Variants in OPCML observed in about 807,000 individuals in gnomAD.
OPCML encodes the protein opioid binding protein/cell adhesion molecule like.
In OPCML, 13 loss-of-function variants were observed where a neutral mutation model predicts 37.8. That is an observed-to-expected ratio of 0.34 (90% CI 0.22 to 0.55). OPCML has a LOEUF of 0.55. OPCML is among the 20% of genes least tolerant of loss of function. The pLI is 0.91. For missense variants in OPCML, 341 were observed against 435.6 expected (o/e 0.78, Z 1.93); for synonymous variants, 176 against 168.8 (o/e 1.04, Z -0.33).
intron 2 of OPCML, among the ~76,000 whole-genome samples, chr11:132,733,001 T>C (rs1320968994): frequency 6.6e-6 from 1 of 152,156 alleles, no homozygotes. Flanking sequence ...GAAGATGAGA[T>C]AGAGCAGTGG....
At chr11:132,993,300 A>T (rs1239926430) in intron 1 of OPCML, among the ~76,000 whole-genome samples, 1 of 152,196 alleles carries the variant, frequency 6.6e-6, no homozygotes, top group Non-Finnish European at 1.5e-5. Context: ...ACAGTATGAC[A>T]GTGTGCTGTT....
At chr11:132,831,715 C>T (rs964514120) in intron 2 of OPCML, among the ~76,000 whole-genome samples, 3 of 148,466 alleles carry the variant, frequency 2.0e-5, no homozygotes, top group Non-Finnish European at 4.5e-5. Context: ...CAACACAACT[C>T]TTCCCCCTTT....
intron 1 of OPCML, among the ~76,000 whole-genome samples, chr11:133,460,275 G>T (rs1946828173): frequency 6.6e-6 from 1 of 151,794 alleles, no homozygotes. Context: ...AAGACAAAAG[G>T]TCTCAAATCA....
At chr11:133,152,811 C>T (rs180911936) in intron 1 of OPCML, among the ~76,000 whole-genome samples, 1 of 151,910 alleles carries the variant, frequency 6.6e-6, no homozygotes, top group Non-Finnish European at 1.5e-5. Flanking sequence ...TAAGCCGAAG[C>T]CCCAGCACGC....
chr11:133,312,977 T>C (rs946145622), intron 1 of OPCML, among the ~76,000 whole-genome samples: 1 of 152,198 alleles, frequency 6.6e-6, no homozygotes, highest in Non-Finnish European at 1.5e-5. Flanking sequence ...GATGGTAACA[T>C]AAATGAATCA....
intron 1 of OPCML, among the ~76,000 whole-genome samples, chr11:133,385,420 G>T (rs1945023835): frequency 6.6e-6 from 1 of 152,202 alleles, no homozygotes; most frequent in South Asian, 2.1e-4. Flanking sequence ...TAATGTATGT[G>T]GCTCTGCGTT....
At chr11:132,815,661 G>A (rs575720683) in intron 2 of OPCML, among the ~76,000 whole-genome samples, 1 of 152,284 alleles carries the variant, frequency 6.6e-6, no homozygotes, top group African/African-American at 2.4e-5. Flanking sequence ...GGAGAATGAG[G>A]GAGATTATTG....
At chr11:132,579,610 C>A (rs1360423625) in intron 3 of OPCML, among the ~76,000 whole-genome samples, 1 of 152,094 alleles carries the variant, frequency 6.6e-6, no homozygotes, top group Non-Finnish European at 1.5e-5. Flanking sequence ...GAGCACCCTC[C>A]TATCCCCAAA....
intron 1 of OPCML, among the ~76,000 whole-genome samples, chr11:133,324,386 C>T (rs1943403336): frequency 1.3e-5 from 2 of 152,198 alleles, no homozygotes; most frequent in African/African-American, 2.4e-5. Context: ...TCTGTAATTA[C>T]AGCCATGCTG....
At chr11:132,653,796 G>A (rs902793337) in intron 3 of OPCML, among the ~76,000 whole-genome samples, 2 of 152,158 alleles carry the variant, frequency 1.3e-5, no homozygotes, top group Non-Finnish European at 2.9e-5. Context: ...GATGGCATCT[G>A]GTTGGCAGAA....
chr11:132,763,863 G>A (rs751732871), intron 2 of OPCML, among the ~76,000 whole-genome samples: 28 of 152,130 alleles, frequency 1.8e-4, no homozygotes, highest in Admixed American at 3.9e-4. Context: ...CTTTCATTCC[G>A]CATCTTACCA....
chr11:132,588,481 C>T (rs1591592396), intron 3 of OPCML, among the ~76,000 whole-genome samples: 1 of 152,116 alleles, frequency 6.6e-6, no homozygotes, highest in Non-Finnish European at 1.5e-5. Context: ...ATCCCTCTAA[C>T]CTAGGAAACA....
At chr11:132,539,852 T>A (rs1441312107) in intron 3 of OPCML, among the ~76,000 whole-genome samples, 1 of 151,474 alleles carries the variant, frequency 6.6e-6, no homozygotes, top group Admixed American at 6.6e-5. Context: ...GTAATAAGGG[T>A]GGTGAAGATA....
chr11:132,793,058 G>T (rs981900092), intron 2 of OPCML, among the ~76,000 whole-genome samples: 1 of 152,118 alleles, frequency 6.6e-6, no homozygotes, highest in African/African-American at 2.4e-5. Flanking sequence ...GGGGACTATC[G>T]ACTGGGGTCC....
chr11:132,927,027 A>G (rs138448146), intron 2 of OPCML, among the ~76,000 whole-genome samples: 1,717 of 152,230 alleles, frequency 0.011, 43 homozygotes, highest in African/African-American at 0.039. Context: ...AGAAAGAAGA[A>G]ATGGGAATAA....
chr11:133,454,586 G>A (rs1426637682), intron 1 of OPCML, among the ~76,000 whole-genome samples: 23 of 152,164 alleles, frequency 1.5e-4, no homozygotes, highest in Admixed American at 1.4e-3. Context: ...TCTGATCTAT[G>A]CAATTTGTCT....
chr11:132,678,924 T>C (rs923202191), intron 2 of OPCML, among the ~76,000 whole-genome samples: 6 of 152,016 alleles, frequency 3.9e-5, no homozygotes, highest in Non-Finnish European at 7.4e-5. Context: ...GCTGTAACAA[T>C]GGCCCACTCC....
intron 1 of OPCML, among the ~76,000 whole-genome samples, chr11:133,203,256 C>A (rs7936936): frequency 3.3e-5 from 5 of 152,248 alleles, no homozygotes; most frequent in African/African-American, 1.2e-4. Flanking sequence ...CATCTGAAAC[C>A]GGGATAATAA....
At chr11:133,034,771 A>G (rs928586567) in intron 1 of OPCML, among the ~76,000 whole-genome samples, 1 of 129,806 alleles carries the variant, frequency 7.7e-6, no homozygotes, top group Non-Finnish European at 1.6e-5. Context: ...TTTTGCTCTT[A>G]TTGTTACTAA....
Sources: gnomAD v4.1 joint callset for allele counts (sites outside exome capture counted in the v4.1 genomes callset) on GRCh38, gnomAD v4.1.1 for gene constraint, MANE v1.5 for transcripts, NCBI Gene and HGNC (gene_info 2026-07-23, HGNC 2026-07-21) for gene names.